The following ETFA variants were observed in gnomAD, a reference collection of about 807,000 sequenced individuals.
ETFA encodes electron transfer flavoprotein subunit alpha.
Under a neutral mutation model 46.2 loss-of-function variants are expected in ETFA, and 22 were observed. The ratio of observed to expected loss-of-function variants is 0.48; its 90% CI spans 0.34 to 0.68. The LOEUF is 0.68. Among genes scored for constraint, ETFA ranks in the 30% least tolerant of loss-of-function variants. ETFA has a pLI of 0.01. For missense variants in ETFA, 345 were observed against 401.1 expected (o/e 0.86, Z 1.19); for synonymous variants, 131 against 139.9 (o/e 0.94, Z 0.45).
intron 9 of ETFA, among the ~76,000 whole-genome samples, chr15:76,273,099 A>C (rs555896002): frequency 6.6e-6 from 1 of 152,212 alleles, no homozygotes; most frequent in Admixed American, 6.5e-5. Flanking sequence ...AGAAATCTCT[A>C]CTCATCAAAA....
At chr15:76,266,566 A>AT (rs2141504363) in intron 9 of ETFA, among the ~76,000 whole-genome samples, 1 of 152,324 alleles carries the variant, frequency 6.6e-6, no homozygotes, top group Non-Finnish European at 1.5e-5. Flanking sequence ...CTCCCTTTCA[A>AT]TATCAAGGAA....
intron 2 of ETFA, among the ~76,000 whole-genome samples, chr15:76,294,231 T>C (rs541619279): frequency 2.0e-5 from 3 of 152,340 alleles, no homozygotes; most frequent in African/African-American, 7.2e-5. Flanking sequence ...AATAATTATT[T>C]TAAATCACAG....
chr15:76,219,917 T>C (rs2038941410), intron 11 of ETFA, among the ~76,000 whole-genome samples: 1 of 152,188 alleles, frequency 6.6e-6, no homozygotes, highest in South Asian at 2.1e-4. Context: ...GGAAAGCAGT[T>C]TGAAGGTTCT....
intron 9 of ETFA, among the ~76,000 whole-genome samples, chr15:76,242,927 T>C (rs1217188576): frequency 2.0e-5 from 3 of 152,220 alleles, no homozygotes; most frequent in Non-Finnish European, 4.4e-5. Flanking sequence ...TTTGGGGTGA[T>C]GAAAACTTTC....
At chr15:76,293,627 G>A (rs1288238058) in intron 2 of ETFA, among the ~76,000 whole-genome samples, 1 of 152,150 alleles carries the variant, frequency 6.6e-6, no homozygotes, top group Non-Finnish European at 1.5e-5. Context: ...CTTTAGCTAA[G>A]TCATATCAGT....
chr15:76,238,861 T>C (rs572433257), intron 9 of ETFA, among the ~76,000 whole-genome samples: 1 of 152,336 alleles, frequency 6.6e-6, no homozygotes, highest in African/African-American at 2.4e-5. Context: ...CTGTGGCTCT[T>C]TTCTCAAACA....
intron 9 of ETFA, among the ~76,000 whole-genome samples, chr15:76,239,909 T>C (rs925702619): frequency 6.6e-6 from 1 of 152,166 alleles, no homozygotes; most frequent in Non-Finnish European, 1.5e-5. Context: ...CAAGCTACAC[T>C]GTTTAGATTT....
chr15:76,241,242 T>TTAC (rs2039183667), intron 9 of ETFA, among the ~76,000 whole-genome samples: 2 of 152,290 alleles, frequency 1.3e-5, no homozygotes, highest in Admixed American at 1.3e-4. Context: ...GGCTCATGCC[T>TTAC]GTAATCCTAG....
intron 9 of ETFA, among the ~76,000 whole-genome samples, chr15:76,237,648 A>G (rs1206857455): frequency 2.0e-5 from 3 of 152,212 alleles, no homozygotes; most frequent in African/African-American, 7.2e-5. Flanking sequence ...TGAAAATAAG[A>G]TGCACATAAA....
chr15:76,265,230 A>C (rs748189221), intron 9 of ETFA, among the ~76,000 whole-genome samples: 7 of 152,204 alleles, frequency 4.6e-5, no homozygotes, highest in Non-Finnish European at 1.0e-4. Context: ...TAAATTTAAA[A>C]GGTGTCACTG....
Position 76,272,813 on chromosome 15 carries a change from C to CATATATATATATATATATATAT in ETFA, c.816+1598_816+1599insATATATATATATATATATATAT, listed in dbSNP as rs71143306. 4.4e-3 allele frequency among the ~76,000 whole-genome samples: 611 copies of CATATATATATATATATATATAT among 137,472 alleles called. 13 individuals carry two copies. The highest frequency in any genetic ancestry group is 0.016 in the African/African-American group (547 of 34,798). The allele number at this position is 137,472 out of a possible 152,430, so 90.2% of individuals were successfully genotyped here. On this transcript the variant is annotated intron_variant, in intron 9 of 11. Coordinates refer to ENST00000557943, the MANE Select transcript of ETFA (RefSeq NM_000126.4). Reference sequence around the variant, plus strand: ...AAGACCCTGTCTCTTAAAATATATACATATATATATATATATATGCGCATG... The same window carrying CATATATATATATATATATATAT: ...AAGACCCTGTCTCTTAAAATATATACATATATATATATATATATATATATATATATATATATATATGCGCATG...
chr15:76,310,936 G>T (rs780451765), intron 1 of ETFA, among the ~76,000 whole-genome samples: 2 of 145,264 alleles, frequency 1.4e-5, no homozygotes, highest in African/African-American at 5.0e-5. Context: ...GCCGGCCTCC[G>T]GGAGGAATCT....
intron 9 of ETFA, among the ~76,000 whole-genome samples, chr15:76,245,718 G>A (rs1434929976): frequency 1.3e-5 from 2 of 152,132 alleles, no homozygotes; most frequent in African/African-American, 4.8e-5. Flanking sequence ...TGCACTAAGC[G>A]TAAGAACACA....
chr15:76,226,695 G>A (rs1029915074), intron 10 of ETFA, among the ~76,000 whole-genome samples: 2 of 152,098 alleles, frequency 1.3e-5, no homozygotes, highest in East Asian at 3.9e-4. Context: ...TGGCTAACAC[G>A]GTGAAACCCC....
At chr15:76,223,346 T>C (rs1487843753) in intron 11 of ETFA, among the ~76,000 whole-genome samples, 1 of 151,184 alleles carries the variant, frequency 6.6e-6, no homozygotes, top group Non-Finnish European at 1.5e-5. Context: ...GCCTCTCAAG[T>C]AGCTGGGATT....
intron 9 of ETFA, among the ~76,000 whole-genome samples, chr15:76,233,580 G>A (rs1015152187): frequency 7.2e-5 from 11 of 151,972 alleles, no homozygotes; most frequent in Admixed American, 1.3e-4. Flanking sequence ...CACCCACCTC[G>A]GCCTCCCAAA....
intron 9 of ETFA, among the ~76,000 whole-genome samples, chr15:76,265,003 C>T (rs1030661923): frequency 2.6e-5 from 4 of 152,232 alleles, no homozygotes; most frequent in African/African-American, 9.6e-5. Context: ...GGAAGAGGGG[C>T]CTGCCTTCGG....
intron 9 of ETFA, among the ~76,000 whole-genome samples, chr15:76,249,382 C>T (rs957435762): frequency 2.0e-5 from 3 of 151,428 alleles, no homozygotes; most frequent in Non-Finnish European, 4.4e-5. Context: ...TGCACCTCGG[C>T]CTCCCAAAGT....
chr15:76,306,436 T>A (rs2039941490), intron 1 of ETFA, among the ~76,000 whole-genome samples: 1 of 151,878 alleles, frequency 6.6e-6, no homozygotes, highest in African/African-American at 2.4e-5. Context: ...CCAGCTAATT[T>A]TTGTATTTTT....
Sources: gnomAD v4.1 joint callset for allele counts (sites outside exome capture counted in the v4.1 genomes callset) on GRCh38, gnomAD v4.1.1 for gene constraint, MANE v1.5 for transcripts, NCBI Gene and HGNC (gene_info 2026-07-23, HGNC 2026-07-21) for gene names.